IPO8: variants seen among roughly 807,000 people sequenced by gnomAD.
IPO8 encodes importin 8.
In IPO8, 65 loss-of-function variants were observed where a neutral mutation model predicts 141.2. The observed-to-expected ratio is 0.46, with a 90% CI of 0.38 to 0.57. The LOEUF (loss-of-function observed/expected upper bound fraction) is 0.57. Among genes scored for constraint, IPO8 ranks in the 20% least tolerant of loss-of-function variants. The pLI, the probability that IPO8 is intolerant of heterozygous loss-of-function variation, is 0.00. For missense variants in IPO8, 980 were observed against 1,246.8 expected (o/e 0.79, Z 3.22); for synonymous variants, 411 against 420.3 (o/e 0.98, Z 0.27).
chr12:30,688,344 A>G (rs958132195), intron 2 of IPO8: 10 of 390,602 alleles, frequency 2.6e-5, no homozygotes, highest in Non-Finnish European at 4.0e-5. Context: ...ACAGTAAGGT[A>G]AGAAAGGACA....
chr12:30,631,825 G>C, intron 24 of IPO8, 70 bp downstream of exon 24: 1 of 935,882 alleles, frequency 1.1e-6, no homozygotes, highest in South Asian at 1.5e-5. Context: ...GTGCCACCTG[G>C]CTCATCAAAT....
At chr12:30,670,113 T>C (rs1414529472) in intron 9 of IPO8, among the ~76,000 whole-genome samples, 1 of 152,220 alleles carries the variant, frequency 6.6e-6, no homozygotes, top group African/African-American at 2.4e-5. Context: ...GCAAATGAAA[T>C]CAGTATCTTT....
At chr12:30,647,089 A>G (rs1591826080) in intron 20 of IPO8, among the ~76,000 whole-genome samples, 1 of 152,222 alleles carries the variant, frequency 6.6e-6, no homozygotes, top group Admixed American at 6.5e-5. Context: ...AATAAAGACA[A>G]TGCAGTACTG....
chr12:30,666,338 C>T, intron 10 of IPO8, 87 bp from the exon 11 acceptor site: 1 of 942,808 alleles, frequency 1.1e-6, no homozygotes. Flanking sequence ...TATTCCAAAC[C>T]AAAAAAATAA....
At chr12:30,675,552 G>A (rs2053107702) in intron 6 of IPO8, among the ~76,000 whole-genome samples, 1 of 152,062 alleles carries the variant, frequency 6.6e-6, no homozygotes, top group Non-Finnish European at 1.5e-5. Flanking sequence ...TATAGGCCAG[G>A]CGCGGTGGCT....
In IPO8 at chr12:30,639,732, T is replaced by C; in HGVS notation, c.2272A>G (p.Ile758Val). 1.2e-6 allele frequency: 2 copies of C among 1,613,316 alleles called. No individual in the cohort carries two copies. The highest frequency in any genetic ancestry group is 1.7e-6 in the Non-Finnish European group (2 of 1,179,470). ...AAAACAAGTTGAACGAAGAGTGGAA[T>C]GCACTAGAAGACAAGCAAAAGAAAG... ...QCKGRGIDQC[I>V]PLFVQLVLER... Residue 758 changes from isoleucine to valine, a missense_variant, in exon 21 of 25, where the codon ATT becomes GTT. Ile to Val is a conservative substitution (Grantham distance 29). This residue lies in a region of IPO8 where 924 missense variants were observed against 1,153.9 expected (regional missense o/e 0.80). Transcript: ENST00000256079.
intron 17 of IPO8, among the ~76,000 whole-genome samples, chr12:30,653,355 G>C (rs1027312872): frequency 6.6e-6 from 1 of 151,788 alleles, no homozygotes; most frequent in Non-Finnish European, 1.5e-5. Context: ...AAAAAATAAA[G>C]TTTTTTTCTA....
At chr12:30,632,516 T>C (rs1242468831) in intron 23 of IPO8, among the ~76,000 whole-genome samples, 2 of 152,108 alleles carry the variant, frequency 1.3e-5, no homozygotes, top group Non-Finnish European at 2.9e-5. Flanking sequence ...TATCTCTCCA[T>C]TTATCTCACC....
intron 24 of IPO8, chr12:30,631,674 A>G (rs914292371): frequency 5.0e-6 from 2 of 402,834 alleles, no homozygotes; most frequent in African/African-American, 4.1e-5. Context: ...TGTGAATGAG[A>G]ACACCACTAG....
At chr12:30,689,012 A>T (rs1051622178) in intron 2 of IPO8, among the ~76,000 whole-genome samples, 8 of 152,158 alleles carry the variant, frequency 5.3e-5, no homozygotes, top group Non-Finnish European at 1.5e-5. Context: ...TCTTATATAA[A>T]GAAATACTGC....
At chr12:30,658,669 G>T (rs1183533779) in intron 16 of IPO8, among the ~76,000 whole-genome samples, 2 of 152,016 alleles carry the variant, frequency 1.3e-5, no homozygotes, top group African/African-American at 4.8e-5. Context: ...GATTTCTAAG[G>T]TCTCTTCAAA....
intron 13 of IPO8, 109 bp from the exon 14 acceptor site, chr12:30,663,763 T>G: frequency 1.1e-6 from 1 of 880,964 alleles, no homozygotes; most frequent in Non-Finnish European, 1.6e-6. Flanking sequence ...TGAAGAAATG[T>G]TTGCTTTTGG....
At chr12:30,666,574 C>T (rs1489371988) in intron 10 of IPO8, among the ~76,000 whole-genome samples, 2 of 152,160 alleles carry the variant, frequency 1.3e-5, no homozygotes, top group Middle Eastern at 3.2e-3. Context: ...TCAGCTCTTA[C>T]TATGTGCCAG....
intron 2 of IPO8, 117 bp downstream of exon 2, chr12:30,690,377 TTC>T: frequency 1.5e-6 from 1 of 652,346 alleles, no homozygotes; most frequent in South Asian, 1.9e-5. Context: ...CTGGAAATAC[TTC>T]ATGAGTGCTA....
intron 3 of IPO8, among the ~76,000 whole-genome samples, chr12:30,684,035 T>C (rs1405216592): frequency 2.6e-5 from 4 of 152,204 alleles, no homozygotes; most frequent in Admixed American, 2.0e-4. Flanking sequence ...ACTTACACAA[T>C]TGTTTTGGTT....
chr12:30,666,233 GC>G lies in IPO8; in HGVS notation c.1162del (p.Ala388LeufsTer25). 6.3e-7 allele frequency: 1 copy of G among 1,586,274 alleles called. No individual in the cohort carries two copies. The highest frequency in any genetic ancestry group is 8.6e-7 in the Non-Finnish European group (1 of 1,163,238). On this transcript the variant is annotated frameshift_variant, in exon 11 of 25. Coordinates refer to ENST00000256079, the MANE Select transcript of IPO8 (RefSeq NM_006390.4). LOFTEE classifies it high-confidence loss of function. ...AGTCTGGGCTGCTGTGGTGGGAGAA[GC>G]ATAATCTTCAAAAATATCTAAGATT... ...RMKFDIFEDYASPTTAAQTLL... is the reference protein window; with the variant it reads ...RMKFDIFEDYXSPTTAAQTLL...
intron 20 of IPO8, among the ~76,000 whole-genome samples, chr12:30,641,207 A>G (rs955054196): frequency 1.3e-5 from 2 of 152,232 alleles, no homozygotes; most frequent in African/African-American, 4.8e-5. Context: ...ACATGCTACT[A>G]TCAGGTGATC....
In IPO8 at chr12:30,695,492, G is replaced by A; in HGVS notation, c.84+72C>T. 3.7e-6 allele frequency: 5 copies of A among 1,367,152 alleles called. No homozygotes were observed. In the South Asian group the frequency reaches 5.9e-5, roughly 16 times the overall value. The allele number at this position is 1,367,152 out of a possible 1,614,324, so 84.7% of individuals were successfully genotyped here. On this transcript the variant is annotated intron_variant, in intron 1 of 24. Transcript: ENST00000256079. The surrounding 1 kb of genome is among the most constrained non-coding windows in gnomAD (Gnocchi z 4.2). Reference sequence around the variant, plus strand: ...TGGGGGTGAGGACGAGGGGCGCCGGGGAGAGGGAGCCCGGCCAGCCGGCAG... The same window carrying A: ...TGGGGGTGAGGACGAGGGGCGCCGGAGAGAGGGAGCCCGGCCAGCCGGCAG...
In IPO8 at chr12:30,695,501, GC is replaced by G. The variant is rs1565513584; in HGVS notation, c.84+62del. 6.9e-7 allele frequency: 1 copy of G among 1,459,434 alleles called. No homozygotes were observed. Among genetic ancestry groups the G allele is most frequent in the Admixed American group, 1.7e-5 (1 of 58,974 alleles). 90.4% of individuals were successfully genotyped at this position (1,459,434 alleles called of 1,614,324 possible). On this transcript the variant is annotated intron_variant, in intron 1 of 24. Transcript: ENST00000256079. This position sits in a 1 kb window ranked among gnomAD's most constrained non-coding sequence, Gnocchi z 4.2. Reference sequence around the variant, plus strand: ...GGACGAGGGGCGCCGGGGAGAGGGAGCCCGGCCAGCCGGCAGGGGCGCCCCT... The same window carrying G: ...GGACGAGGGGCGCCGGGGAGAGGGAGCCGGCCAGCCGGCAGGGGCGCCCCT...
Sources: gnomAD v4.1 joint callset for allele counts (sites outside exome capture counted in the v4.1 genomes callset) on GRCh38, gnomAD v4.1.1 for gene constraint, gnomAD v4.1.1 regional missense constraint, Gnocchi (gnomAD v3.1) non-coding constraint, MANE v1.5 for transcripts, NCBI Gene and HGNC (gene_info 2026-07-23, HGNC 2026-07-21) for gene names.